Variants in GABRA1 observed in about 807,000 individuals in gnomAD.
The protein encoded by GABRA1 is gamma-aminobutyric acid receptor subunit alpha-1.
In GABRA1, 9 loss-of-function variants were observed where a neutral mutation model predicts 48.9. That is an observed-to-expected ratio of 0.18 (90% CI 0.11 to 0.32). The LOEUF (loss-of-function observed/expected upper bound fraction) is 0.32. Ranked by LOEUF, GABRA1 falls within the 10% of genes least tolerant of loss-of-function variation. GABRA1 has a pLI of 1.00. For synonymous variants in GABRA1, 210 were observed against 198.7 expected, an observed-to-expected ratio of 1.06 and a Z score of -0.48; for missense variants, 285 against 553.8, an observed-to-expected ratio of 0.51 and a Z score of 4.87.
chr5:161,897,545 C>A lies in GABRA1; in HGVS notation c.*123C>A, dbSNP rs1198173489. On this transcript the variant is annotated 3_prime_UTR_variant, in exon 10 of 10. Transcript: ENST00000393943. The stretch of plus-strand genomic sequence containing the variant: ...AAGAATTTGAAAGTTTCCTTATTTT[C>A]ATAATTCATTTAAGAACAAGAGACC... 8 of 991,536 alleles carry A rather than the reference C, an allele frequency of 8.1e-6. No homozygotes were observed. The highest frequency in any genetic ancestry group is 1.2e-5 in the Non-Finnish European group (8 of 655,232). The allele number at this position is 991,536 out of a possible 1,614,324, so 61.4% of individuals were successfully genotyped here.
intron 4 of GABRA1, among the ~76,000 whole-genome samples, chr5:161,869,630 G>C (rs1227274989): frequency 6.6e-6 from 1 of 152,104 alleles, no homozygotes; most frequent in Non-Finnish European, 1.5e-5. Flanking sequence ...ACACACAGAT[G>C]GTAATAAATG....
rs540349942 is a variant in GABRA1 at position 161,866,160 on chromosome 5, T to C, written c.255+372T>C. Among the ~76,000 whole-genome samples, 9 of 152,164 alleles carry C rather than the reference T, an allele frequency of 5.9e-5. No individual in the cohort carries two copies. In the South Asian group the frequency reaches 1.9e-3, roughly 32 times the overall value. ...TCAGGCAACCAGAACTGTTATAGAA[T>C]GGCCATAAACATTATGATTTCTAAA... is the stretch of plus-strand genomic sequence containing the variant. On this transcript the variant is annotated intron_variant, in intron 4 of 9. Transcript: ENST00000393943.
intron 7 of GABRA1, among the ~76,000 whole-genome samples, chr5:161,884,336 T>A (rs1754745428): frequency 6.6e-6 from 1 of 152,102 alleles, no homozygotes; most frequent in African/African-American, 2.4e-5. Flanking sequence ...AAGCTCAGAT[T>A]TTGCTGTCAT....
intron 3 of GABRA1, among the ~76,000 whole-genome samples, chr5:161,863,371 T>C (rs935592272): frequency 1.3e-5 from 2 of 151,964 alleles, no homozygotes; most frequent in African/African-American, 4.8e-5. Flanking sequence ...TGGCATCTGC[T>C]TGGCTTTTGA....
intron 3 of GABRA1, among the ~76,000 whole-genome samples, chr5:161,857,454 A>G (rs1757691822): frequency 6.6e-6 from 1 of 151,596 alleles, no homozygotes; most frequent in African/African-American, 2.4e-5. Flanking sequence ...AAAACAAAAT[A>G]TATAACTTGG....
At chr5:161,867,213 T>C (rs1474520108) in intron 4 of GABRA1, among the ~76,000 whole-genome samples, 1 of 152,178 alleles carries the variant, frequency 6.6e-6, no homozygotes, top group Non-Finnish European at 1.5e-5. Flanking sequence ...CTCTGAGGAC[T>C]CATGATTCTC....
intron 6 of GABRA1, among the ~76,000 whole-genome samples, chr5:161,878,512 G>T (rs1754464533): frequency 1.3e-5 from 2 of 152,116 alleles, no homozygotes; most frequent in East Asian, 1.9e-4. Flanking sequence ...ATAATTTAGT[G>T]GAACAGTCTG....
intron 7 of GABRA1, among the ~76,000 whole-genome samples, chr5:161,889,684 C>A (rs766722846): frequency 6.6e-6 from 1 of 152,098 alleles, no homozygotes; most frequent in East Asian, 1.9e-4. Context: ...AGGAAGTTTG[C>A]TTGTTACTTT....
intron 1 of GABRA1, chr5:161,848,831 G>T (rs905922264): frequency 8.7e-6 from 3 of 345,538 alleles, no homozygotes; most frequent in Middle Eastern, 1.0e-3. Context: ...GGCGTCGGGG[G>T]CCATCATCTA....
At chr5:161,894,130 T>C (rs1755251959) in intron 8 of GABRA1, among the ~76,000 whole-genome samples, 2 of 152,198 alleles carry the variant, frequency 1.3e-5, no homozygotes, top group African/African-American at 4.8e-5. Flanking sequence ...TTTGCCCTTA[T>C]TATCAGGCTA....
chr5:161,851,359 C>T (rs1757440028), intron 2 of GABRA1, among the ~76,000 whole-genome samples: 1 of 151,952 alleles, frequency 6.6e-6, no homozygotes, highest in African/African-American at 2.4e-5. Context: ...ATGCATATCA[C>T]GTTTTGAAAT....
chr5:161,885,315 C>T (rs1373097441), intron 7 of GABRA1, among the ~76,000 whole-genome samples: 1 of 152,122 alleles, frequency 6.6e-6, no homozygotes, highest in Non-Finnish European at 1.5e-5. Flanking sequence ...TTTTACATCT[C>T]TTTGTGGAGC....
chr5:161,876,398 G>C (rs1321985314), intron 6 of GABRA1, among the ~76,000 whole-genome samples: 1 of 152,010 alleles, frequency 6.6e-6, no homozygotes, highest in East Asian at 1.9e-4. Context: ...TGTATTCTTG[G>C]TTTCCTGCAG....
At chr5:161,895,984 T>A in intron 9 of GABRA1, 116 bp downstream of exon 9, 2 of 887,780 alleles carry the variant, frequency 2.3e-6, no homozygotes, top group Non-Finnish European at 3.7e-6. Flanking sequence ...AGGATTCTTT[T>A]TTTCTTATGT....
chr5:161,859,786 C>A (rs1757782352), intron 3 of GABRA1, among the ~76,000 whole-genome samples: 1 of 151,726 alleles, frequency 6.6e-6, no homozygotes, highest in Non-Finnish European at 1.5e-5. Context: ...ATTTCAGTCA[C>A]AAAGTGATAG....
chr5:161,870,332 C>T lies in GABRA1; in HGVS notation c.256-2785C>T, dbSNP rs375613919. ...ATCCCAGCACTTTGGGAGGCCGAGGCGGGCGGATCACCTGAGGTCAGGAGT... is the reference window on the plus strand; with the variant it reads ...ATCCCAGCACTTTGGGAGGCCGAGGTGGGCGGATCACCTGAGGTCAGGAGT... On this transcript the variant is annotated intron_variant, in intron 4 of 9. Coordinates refer to ENST00000393943, the MANE Select transcript of GABRA1 (RefSeq NM_001127644.2). 5.3e-5 allele frequency among the ~76,000 whole-genome samples: 8 copies of T among 152,054 alleles called. No individual in the cohort carries two copies. In the East Asian group the frequency reaches 9.7e-4, roughly 18 times the overall value.
chr5:161,876,881 G>A (rs756208638), intron 6 of GABRA1, among the ~76,000 whole-genome samples: 1 of 152,110 alleles, frequency 6.6e-6, no homozygotes, highest in East Asian at 1.9e-4. Flanking sequence ...CTTACAGTTA[G>A]GAAGATCATA....
intron 4 of GABRA1, among the ~76,000 whole-genome samples, chr5:161,872,495 G>T (rs1294948020): frequency 6.6e-6 from 1 of 150,798 alleles, no homozygotes; most frequent in African/African-American, 2.5e-5. Flanking sequence ...TTTTGAAAAG[G>T]ATTCAAATTA....
chr5:161,880,402 T>TAA (rs1754563687), intron 6 of GABRA1, among the ~76,000 whole-genome samples: 2 of 152,218 alleles, frequency 1.3e-5, no homozygotes, highest in South Asian at 4.1e-4. Context: ...TAGTGTGCTC[T>TAA]GCCTTCTTCT....
Sources: gnomAD v4.1 joint callset for allele counts (sites outside exome capture counted in the v4.1 genomes callset) on GRCh38, gnomAD v4.1.1 for gene constraint, MANE v1.5 for transcripts, NCBI Gene and HGNC (gene_info 2026-07-23, HGNC 2026-07-21) for gene names.